BMPR1B: variants seen among roughly 807,000 people sequenced by gnomAD.
BMPR1B encodes the protein bone morphogenetic protein receptor type 1B.
Under a neutral mutation model 59.1 loss-of-function variants are expected in BMPR1B, and 12 were observed. The observed-to-expected ratio is 0.20, with a 90% CI of 0.13 to 0.33. BMPR1B has a LOEUF of 0.33. Among genes scored for constraint, BMPR1B ranks in the 10% least tolerant of loss-of-function variants. BMPR1B has a pLI of 1.00. For missense variants in BMPR1B, 550 were observed against 610.9 expected, an observed-to-expected ratio of 0.90 and a Z score of 1.05; for synonymous variants, 237 against 207.3, an observed-to-expected ratio of 1.14 and a Z score of -1.23.
chr4:94,870,167 G>A (rs72887865), intron 1 of BMPR1B, among the ~76,000 whole-genome samples: 5,743 of 152,234 alleles, frequency 0.038, 352 homozygotes, highest in African/African-American at 0.13. Context: ...TAAAAGTCAT[G>A]TTACAGGGGT....
intron 1 of BMPR1B, among the ~76,000 whole-genome samples, chr4:94,831,909 T>G (rs1414302216): frequency 2.0e-5 from 3 of 152,144 alleles, no homozygotes; most frequent in Non-Finnish European, 4.4e-5. Context: ...GTTGTGAGCT[T>G]CTTATGAGAA....
intron 2 of BMPR1B, among the ~76,000 whole-genome samples, chr4:94,944,396 A>G (rs565576296): frequency 6.6e-6 from 1 of 152,060 alleles, no homozygotes; most frequent in Non-Finnish European, 1.5e-5. Context: ...GGATGAAACT[A>G]CTTAACATTA....
At chr4:95,049,465 T>G (rs1726294732) in intron 3 of BMPR1B, among the ~76,000 whole-genome samples, 1 of 69,200 alleles carries the variant, frequency 1.4e-5, no homozygotes, top group Non-Finnish European at 2.9e-5. Flanking sequence ...TTTTTTTTTT[T>G]TTTTTGCAGT....
chr4:94,845,492 G>A lies in BMPR1B; in HGVS notation c.-182-30339G>A, dbSNP rs1335000560. On this transcript the variant is annotated intron_variant, in intron 1 of 12. Transcript: ENST00000515059. ...CAAGTAGCTGGGACTACAGGTGCCC[G>A]CCACCACGCCCGGCTAATTTTTTGT... Among the ~76,000 whole-genome samples, 46 of 152,022 alleles carry A rather than the reference G, an allele frequency of 3.0e-4. No homozygotes were observed. The South Asian group carries it at 8.3e-3, about 28-fold the overall frequency.
chr4:94,940,480 A>G (rs1729469599), intron 2 of BMPR1B, among the ~76,000 whole-genome samples: 1 of 152,160 alleles, frequency 6.6e-6, no homozygotes, highest in African/African-American at 2.4e-5. Flanking sequence ...AAATTTCTAT[A>G]GCCTTGCTAG....
At chr4:95,013,783 T>C (rs186923002) in intron 3 of BMPR1B, among the ~76,000 whole-genome samples, 169 of 152,330 alleles carry the variant, frequency 1.1e-3, no homozygotes, top group African/African-American at 3.8e-3. Flanking sequence ...ATACTACTTA[T>C]TATATGTTTG....
At chr4:94,874,866 G>T (rs559445851) in intron 1 of BMPR1B, among the ~76,000 whole-genome samples, 1 of 152,222 alleles carries the variant, frequency 6.6e-6, no homozygotes, top group South Asian at 2.1e-4. Context: ...GGTGGCAGAC[G>T]CCTGTAGTCC....
At chr4:95,153,924 T>C (rs1410779408) in intron 12 of BMPR1B, among the ~76,000 whole-genome samples, 2 of 152,216 alleles carry the variant, frequency 1.3e-5, no homozygotes, top group Non-Finnish European at 2.9e-5. Context: ...CTAAATAATA[T>C]ATACGTTTTC....
chr4:94,833,624 C>A (rs1015725678), intron 1 of BMPR1B, among the ~76,000 whole-genome samples: 2 of 152,078 alleles, frequency 1.3e-5, no homozygotes, highest in African/African-American at 4.8e-5. Context: ...TCCCATCAGC[C>A]CCCAACACCT....
At chr4:94,865,735 T>C (rs1726203159) in intron 1 of BMPR1B, among the ~76,000 whole-genome samples, 1 of 152,218 alleles carries the variant, frequency 6.6e-6, no homozygotes, top group East Asian at 1.9e-4. Context: ...CCATTGCCTC[T>C]GGGTGAAATC....
At chr4:94,852,654 C>G (rs1436101491) in intron 1 of BMPR1B, among the ~76,000 whole-genome samples, 1 of 152,096 alleles carries the variant, frequency 6.6e-6, no homozygotes, top group African/African-American at 2.4e-5. Context: ...CAAGCACCCA[C>G]ATTAAAATTA....
At chr4:94,938,762 A>G (rs7671870) in intron 2 of BMPR1B, among the ~76,000 whole-genome samples, 35,928 of 152,122 alleles carry the variant, frequency 0.24, 4,350 homozygotes, top group South Asian at 0.34. Flanking sequence ...TGGAAGAGAA[A>G]CTAGGGCAAA....
At chr4:95,125,995 T>TATATTA (rs1178054261) in intron 8 of BMPR1B, among the ~76,000 whole-genome samples, 16 of 152,132 alleles carry the variant, frequency 1.1e-4, no homozygotes, top group Admixed American at 9.8e-4. Context: ...TATATCCACG[T>TATATTA]CATTGCAAAT....
At chr4:95,109,307 C>T (rs1355380330) in intron 4 of BMPR1B, among the ~76,000 whole-genome samples, 1 of 152,080 alleles carries the variant, frequency 6.6e-6, no homozygotes, top group African/African-American at 2.4e-5. Context: ...GCAAATGACA[C>T]CAGGCTGCTT....
At chr4:95,008,784 A>G (rs1723025341) in intron 3 of BMPR1B, among the ~76,000 whole-genome samples, 1 of 152,192 alleles carries the variant, frequency 6.6e-6, no homozygotes, top group Non-Finnish European at 1.5e-5. Context: ...CAGTAAGAAA[A>G]GTAAATTTGG....
chr4:94,931,844 C>T (rs189541998), intron 2 of BMPR1B, among the ~76,000 whole-genome samples: 82 of 152,076 alleles, frequency 5.4e-4, no homozygotes, highest in Admixed American at 1.9e-3. Context: ...CACCATGTGG[C>T]GTTTCCATTG....
chr4:95,083,889 T>A (rs1729364574), intron 3 of BMPR1B, among the ~76,000 whole-genome samples: 1 of 152,196 alleles, frequency 6.6e-6, no homozygotes, highest in Admixed American at 6.5e-5. Flanking sequence ...TAATTAAATA[T>A]ATTTTGTAGA....
chr4:95,066,176 G>C (rs546286057), intron 3 of BMPR1B, among the ~76,000 whole-genome samples: 1 of 152,278 alleles, frequency 6.6e-6, no homozygotes, highest in African/African-American at 2.4e-5. Context: ...GGCCAGAAAG[G>C]CTCATTCCTG....
At chr4:95,149,345 A>G (rs1734867139) in intron 11 of BMPR1B, among the ~76,000 whole-genome samples, 1 of 152,174 alleles carries the variant, frequency 6.6e-6, no homozygotes, top group South Asian at 2.1e-4. Context: ...TAGGCCATAA[A>G]TGTGGGGTCG....
Sources: gnomAD v4.1 joint callset for allele counts (sites outside exome capture counted in the v4.1 genomes callset) on GRCh38, gnomAD v4.1.1 for gene constraint, MANE v1.5 for transcripts, NCBI Gene and HGNC (gene_info 2026-07-23, HGNC 2026-07-21) for gene names.